Variants in CEP350 observed in about 807,000 individuals in gnomAD.
CEP350 encodes the protein centrosomal protein 350.
CEP350 carries 126 observed loss-of-function variants against 331.8 expected under a neutral mutation model. The ratio of observed to expected loss-of-function variants is 0.38; its 90% CI spans 0.33 to 0.44. The LOEUF (loss-of-function observed/expected upper bound fraction) is 0.44. Among genes scored for constraint, CEP350 ranks in the 20% least tolerant of loss-of-function variants. The pLI, the probability that CEP350 is intolerant of heterozygous loss-of-function variation, is 1.00. For missense variants in CEP350, 3,406 were observed against 3,634.6 expected (o/e 0.94, Z 1.62); for synonymous variants, 1,200 against 1,259.5 (o/e 0.95, Z 1.00).
At chr1:180,107,440 A>T (rs982884304) in intron 37 of CEP350, among the ~76,000 whole-genome samples, 4 of 152,200 alleles carry the variant, frequency 2.6e-5, no homozygotes, top group Non-Finnish European at 4.4e-5. Context: ...AGGCCGGGGC[A>T]GATGGATCAC....
At chr1:180,025,354 C>T (rs949118119) in intron 14 of CEP350, among the ~76,000 whole-genome samples, 1 of 151,962 alleles carries the variant, frequency 6.6e-6, no homozygotes, top group African/African-American at 2.4e-5. Context: ...AATTTTTAAG[C>T]TTATATGAAA....
In CEP350 at chr1:180,095,635, A is replaced by G. The variant is rs1160637553; in HGVS notation, c.8624A>G (p.Asp2875Gly). The change falls in exon 35 of 38, where the codon GAT becomes GGT. Residue 2875 changes from aspartate to glycine, a missense_variant. Asp to Gly is a moderately conservative substitution (Grantham distance 94, BLOSUM62 -1). Transcript: ENST00000367607. The stretch of plus-strand genomic sequence containing the variant: ...TTAGGAGATGATCAAGACTGGTTTG[A>G]TGAAGACTTTGGTTTGAGCTCTTCT... ...SALGDDQDWF[D>G]EDFGLSSSHK... The G allele has an allele frequency of 1.9e-6, 3 of 1,613,942 alleles. No individual in the cohort carries two copies. The highest frequency in any genetic ancestry group is 2.5e-6 in the Non-Finnish European group (3 of 1,179,884).
chr1:180,081,359 T>C (rs947597003), intron 30 of CEP350, among the ~76,000 whole-genome samples: 3 of 152,228 alleles, frequency 2.0e-5, no homozygotes, highest in African/African-American at 7.2e-5. Flanking sequence ...CTTTCTTCTT[T>C]GAGTAACTAT....
chr1:179,973,436 C>A (rs1343255512), intron 1 of CEP350, among the ~76,000 whole-genome samples: 2 of 152,162 alleles, frequency 1.3e-5, no homozygotes, highest in Non-Finnish European at 2.9e-5. Context: ...TCCAGTTTAA[C>A]TGTTAATCAC....
At chr1:179,972,664 C>T (rs1299489888) in intron 1 of CEP350, among the ~76,000 whole-genome samples, 1 of 151,720 alleles carries the variant, frequency 6.6e-6, no homozygotes, top group African/African-American at 2.4e-5. Context: ...GCCACCACAC[C>T]CTGCCGAAAA....
At chr1:180,057,581 A>G (rs1657940180) in intron 25 of CEP350, among the ~76,000 whole-genome samples, 1 of 150,780 alleles carries the variant, frequency 6.6e-6, no homozygotes, top group East Asian at 1.9e-4. Flanking sequence ...TTTTTGTTGA[A>G]TACTAGTCAC....
intron 15 of CEP350, among the ~76,000 whole-genome samples, chr1:180,032,574 A>G (rs569452030): frequency 8.5e-5 from 13 of 152,138 alleles, no homozygotes; most frequent in African/African-American, 3.1e-4. Flanking sequence ...ATTCACAGAG[A>G]TAAAATAATT....
intron 1 of CEP350, among the ~76,000 whole-genome samples, chr1:179,968,056 T>C (rs748860357): frequency 1.3e-5 from 2 of 151,952 alleles, no homozygotes. Flanking sequence ...TAAGAGCAGG[T>C]GCTGTGGCTC....
chr1:179,958,649 C>T (rs1650352632), intron 1 of CEP350, among the ~76,000 whole-genome samples: 1 of 152,120 alleles, frequency 6.6e-6, no homozygotes, highest in Non-Finnish European at 1.5e-5. Context: ...TACTTAAAGT[C>T]AACTATAAAT....
Position 180,024,468 on chromosome 1 carries a change from G to A in CEP350, c.3436G>A (p.Asp1146Asn). Residue 1146 changes from aspartate to asparagine, a missense_variant, in exon 14 of 38, where the codon GAT becomes AAT. Asp to Asn is a conservative substitution (Grantham distance 23, BLOSUM62 1). This residue lies in a region of CEP350 where 1,857 missense variants were observed against 1,909.2 expected (regional missense o/e 0.97). Coordinates refer to ENST00000367607, the MANE Select transcript of CEP350 (RefSeq NM_014810.5). Reference protein sequence around the residue: ...EDHSNRKSAYDPSSVDVTSQH... With the variant: ...EDHSNRKSAYNPSSVDVTSQH... ...CCATTCTAACAGAAAGTCTGCCTAT[G>A]ATCCTTCCTCTGTGGATGTTACCTC... 6.2e-7 allele frequency: 1 copy of A among 1,613,150 alleles called. No homozygotes were observed. The highest frequency in any genetic ancestry group is 8.5e-7 in the Non-Finnish European group (1 of 1,179,556).
intron 1 of CEP350, among the ~76,000 whole-genome samples, chr1:179,975,605 TATG>T (rs1409240919): frequency 2.6e-5 from 4 of 152,248 alleles, no homozygotes; most frequent in East Asian, 1.9e-4. Context: ...GTATAAATGA[TATG>T]ATAACTAAGT....
intron 19 of CEP350, 108 bp downstream of exon 19, chr1:180,041,910 T>C: frequency 2.1e-6 from 2 of 953,178 alleles, no homozygotes; most frequent in Non-Finnish European, 3.1e-6. Context: ...ATACTTTGAA[T>C]TAGTGACTTT....
In CEP350 at chr1:180,033,535, CTT is replaced by C. The variant is rs142079933; in HGVS notation, c.3726-325_3726-324del. ...GCTGTAGAGTGTCTATTTTAGAAGA[CTT>C]TGCTTCATGCTATAATGAGTGAATC... On this transcript the variant is annotated intron_variant, in intron 15 of 37. Transcript: ENST00000367607. 1.3e-3 allele frequency among the ~76,000 whole-genome samples: 195 copies of C among 152,204 alleles called. 1 individual carries two copies. Among genetic ancestry groups the C allele is most frequent in the African/African-American group, 4.5e-3 (186 of 41,534 alleles).
intron 11 of CEP350, among the ~76,000 whole-genome samples, chr1:180,019,616 T>C (rs1477684108): frequency 6.6e-6 from 1 of 152,166 alleles, no homozygotes; most frequent in Non-Finnish European, 1.5e-5. Context: ...AAAGATCTTA[T>C]TGCCTTTTTA....
chr1:180,054,462 A>G lies in CEP350; in HGVS notation c.5222A>G (p.Lys1741Arg), dbSNP rs1226349022. The G allele has an allele frequency of 6.2e-7, 1 of 1,602,652 alleles. No homozygotes were observed. The highest frequency in any genetic ancestry group is 8.5e-7 in the Non-Finnish European group (1 of 1,174,374). ...GEDDKMPPLR[K>R]KQRGLLLRLQ... is the part of the protein sequence containing the mutation. ...GATGATAAAATGCCCCCGCTCCGGA[A>G]GAAACAGCGTGGTTTGCTTTTAAGG... The change falls in exon 25 of 38, where the codon AAG becomes AGG. Residue 1741 changes from lysine (K) to arginine (R), a missense_variant. Transcript: ENST00000367607.
chr1:180,048,525 T>C lies in CEP350; in HGVS notation c.4623-11T>C, dbSNP rs567989822. On this transcript the variant is annotated splice_polypyrimidine_tract_variant and intron_variant, in intron 21 of 37. Coordinates refer to ENST00000367607, the MANE Select transcript of CEP350 (RefSeq NM_014810.5). ...ATTTTGTTGTTGTTGTTTCCATGTA[T>C]CCATAAAAAGAAGTAGCAGTGGTAG... 11 of 1,571,462 alleles carry C rather than the reference T, an allele frequency of 7.0e-6. No individual in the cohort carries two copies. Among genetic ancestry groups the C allele is most frequent in the African/African-American group, 1.4e-5 (1 of 73,176 alleles).
chr1:180,062,366 G>T lies in CEP350; in HGVS notation c.5409G>T (p.Leu1803Phe). 6.3e-7 allele frequency: 1 copy of T among 1,589,594 alleles called. No homozygotes were observed. The highest frequency in any genetic ancestry group is 1.8e-5 in the Admixed American group (1 of 56,322). Residue 1803 changes from leucine to phenylalanine, a missense_variant and splice_region_variant, in exon 26 of 38, where the codon TTG (leucine) becomes TTT (phenylalanine). By Grantham distance (22) the Leu-to-Phe change is conservative. Around this residue, in one of 5 missense-constraint regions of CEP350, gnomAD observed 1,415 missense variants for 1,512.3 expected, o/e 0.94. Transcript: ENST00000367607. ...TGAAGTCTGCAGGGGAGAGTAAATT[G>T]GTAAACTACATGAAGTTATTATTTG... The part of the protein sequence containing the change: ...EKLKSAGESK[L>F]DSHSDDDTKD...
At chr1:180,013,745 A>G in intron 9 of CEP350, 102 bp from the exon 10 acceptor site, 1 of 1,072,346 alleles carries the variant, frequency 9.3e-7, no homozygotes. Context: ...ATTTGAGTTT[A>G]AGTAAGATAA....
intron 13 of CEP350, among the ~76,000 whole-genome samples, chr1:180,023,128 G>A (rs1000049914): frequency 2.0e-5 from 3 of 152,056 alleles, no homozygotes. Flanking sequence ...GTACCTGCCT[G>A]CCTCATAGAG....
Sources: allele counts gnomAD v4.1 joint callset (sites outside exome capture counted in the v4.1 genomes callset), GRCh38; gene constraint gnomAD v4.1.1; regional missense constraint gnomAD v4.1.1; transcripts MANE v1.5; gene names NCBI Gene and HGNC (gene_info 2026-07-23, HGNC 2026-07-21).